The following SNX13 variants were observed in gnomAD, a reference collection of about 807,000 sequenced individuals.
The protein encoded by SNX13 is sorting nexin-13.
A neutral mutation model predicts 133.6 loss-of-function variants in SNX13; 45 were observed. That is an observed-to-expected ratio of 0.34 (90% confidence interval 0.27 to 0.43). The LOEUF is 0.43. Among genes scored for constraint, SNX13 ranks in the 20% least tolerant of loss-of-function variants. SNX13 has a pLI of 1.00. For synonymous variants in SNX13, 414 were observed against 373.9 expected (o/e 1.11, Z -1.24); for missense variants, 1,032 against 1,145.1 (o/e 0.90, Z 1.43).
At chr7:17,936,966 G>A (rs1159281717) in intron 1 of SNX13, among the ~76,000 whole-genome samples, 1 of 145,168 alleles carries the variant, frequency 6.9e-6, no homozygotes, top group African/African-American at 2.6e-5. Flanking sequence ...GTCCTAACAG[G>A]AGCAAGGACA....
chr7:17,848,473 C>A (rs1790809587), intron 11 of SNX13, among the ~76,000 whole-genome samples: 1 of 152,196 alleles, frequency 6.6e-6, no homozygotes, highest in Non-Finnish European at 1.5e-5. Context: ...GGCAAATGGT[C>A]CACTGAGCTG....
intron 20 of SNX13, among the ~76,000 whole-genome samples, chr7:17,807,259 G>A (rs1187740253): frequency 2.0e-5 from 3 of 152,108 alleles, no homozygotes; most frequent in Non-Finnish European, 4.4e-5. Flanking sequence ...TGGGACACTC[G>A]AGCTTGGTGG....
Position 17,940,271 on chromosome 7 carries a change from C to A in SNX13, c.12+13G>T. 6.4e-7 allele frequency: 1 copy of A among 1,559,332 alleles called. No homozygotes were observed. The highest frequency in any genetic ancestry group is 8.7e-7 in the Non-Finnish European group (1 of 1,151,570). On this transcript the variant is annotated intron_variant, in intron 1 of 25. Coordinates refer to ENST00000428135, the MANE Select transcript of SNX13 (RefSeq NM_015132.5). ...CATTTCACAGGTAAACACTGGCCACCGTCGCCGCTTACCTCAGTTAACATT... is the reference window on the plus strand; with the variant it reads ...CATTTCACAGGTAAACACTGGCCACAGTCGCCGCTTACCTCAGTTAACATT...
chr7:17,826,314 ACTT>A (rs1293603262), intron 16 of SNX13, among the ~76,000 whole-genome samples: 1 of 151,964 alleles, frequency 6.6e-6, no homozygotes, highest in Non-Finnish European at 1.5e-5. Context: ...TTAGTAATAA[ACTT>A]AATATATTAG....
intron 1 of SNX13, among the ~76,000 whole-genome samples, chr7:17,939,318 C>T (rs189806616): frequency 6.6e-6 from 1 of 152,314 alleles, no homozygotes; most frequent in Non-Finnish European, 1.5e-5. Context: ...CAGTTCCTCA[C>T]GTCAGGATCC....
chr7:17,898,951 T>C (rs1285448719), intron 1 of SNX13: 2 of 152,232 alleles, frequency 1.3e-5, no homozygotes, highest in Non-Finnish European at 2.9e-5. Context: ...AAGTTTCTGC[T>C]CTGCCTCCAT....
intron 9 of SNX13, among the ~76,000 whole-genome samples, chr7:17,852,897 G>T (rs893647589): frequency 6.6e-6 from 1 of 152,138 alleles, no homozygotes. Context: ...AAATATACAT[G>T]CATAGATACA....
intron 1 of SNX13, among the ~76,000 whole-genome samples, chr7:17,919,096 G>A (rs1799857843): frequency 6.6e-6 from 1 of 152,168 alleles, no homozygotes; most frequent in Non-Finnish European, 1.5e-5. Context: ...CAAAAGAGGG[G>A]AAGAATGGAG....
chr7:17,848,163 C>T (rs1469448559), intron 11 of SNX13, among the ~76,000 whole-genome samples: 1 of 152,076 alleles, frequency 6.6e-6, no homozygotes, highest in Non-Finnish European at 1.5e-5. Context: ...TGGAGAGAAG[C>T]GGCTCAACTT....
At chr7:17,850,501 C>A in intron 10 of SNX13, 66 bp from the exon 11 acceptor site, 2 of 952,698 alleles carry the variant, frequency 2.1e-6, no homozygotes, top group Non-Finnish European at 1.5e-6. Flanking sequence ...TAAACATGCA[C>A]TTACTGTAAT....
At chr7:17,909,042 TAAAC>T (rs1450871413) in intron 1 of SNX13, among the ~76,000 whole-genome samples, 1 of 151,562 alleles carries the variant, frequency 6.6e-6, no homozygotes, top group Non-Finnish European at 1.5e-5. Flanking sequence ...AGAAAGCCCT[TAAAC>T]AAACAAAAGA....
At chr7:17,815,069 T>C (rs1786508462) in intron 19 of SNX13, 125 bp from the exon 20 acceptor site, 1 of 1,051,058 alleles carries the variant, frequency 9.5e-7, no homozygotes, top group Admixed American at 4.1e-5. Flanking sequence ...GATTTATATT[T>C]TTAAAAACCC....
At chr7:17,868,546 A>T in intron 8 of SNX13, 56 bp from the exon 9 acceptor site, 2 of 1,304,190 alleles carry the variant, frequency 1.5e-6, no homozygotes, top group Non-Finnish European at 2.2e-6. Context: ...AATCAACAGC[A>T]TAATGTAAAT....
intron 18 of SNX13, among the ~76,000 whole-genome samples, chr7:17,820,615 C>A (rs376719883): frequency 6.6e-6 from 1 of 152,078 alleles, no homozygotes; most frequent in Non-Finnish European, 1.5e-5. Flanking sequence ...CTCACTCTAT[C>A]CACAAGATAT....
chr7:17,883,813 T>C (rs1795654493), intron 5 of SNX13, among the ~76,000 whole-genome samples: 1 of 152,134 alleles, frequency 6.6e-6, no homozygotes, highest in African/African-American at 2.4e-5. Flanking sequence ...GGTGAGAACA[T>C]ACGGTGTTTG....
At chr7:17,847,893 T>G (rs1351764195) in intron 11 of SNX13, among the ~76,000 whole-genome samples, 1 of 152,180 alleles carries the variant, frequency 6.6e-6, no homozygotes, top group Non-Finnish European at 1.5e-5. Context: ...TTCCCTTTTA[T>G]AAACACTTTT....
At chr7:17,823,697 T>G (rs550796434) in intron 17 of SNX13, among the ~76,000 whole-genome samples, 1 of 152,300 alleles carries the variant, frequency 6.6e-6, no homozygotes, top group South Asian at 2.1e-4. Flanking sequence ...CTCAGAGACT[T>G]ATGCAAATTA....
intron 1 of SNX13, among the ~76,000 whole-genome samples, chr7:17,917,006 A>C (rs1799626764): frequency 6.6e-6 from 1 of 152,238 alleles, no homozygotes; most frequent in African/African-American, 2.4e-5. Context: ...AGGATGGTTC[A>C]ACATATGCAA....
intron 18 of SNX13, among the ~76,000 whole-genome samples, chr7:17,820,237 T>C (rs909223096): frequency 1.3e-5 from 2 of 152,162 alleles, no homozygotes; most frequent in Non-Finnish European, 2.9e-5. Context: ...AATTTGCAAG[T>C]AAATTCATTT....
Sources: gnomAD v4.1 joint callset for allele counts (sites outside exome capture counted in the v4.1 genomes callset) on GRCh38, gnomAD v4.1.1 for gene constraint, MANE v1.5 for transcripts, NCBI Gene and HGNC (gene_info 2026-07-23, HGNC 2026-07-21) for gene names.